Variants in SLC2A13 observed in about 807,000 individuals in gnomAD.
SLC2A13 encodes the protein solute carrier family 2 member 13, also known as proton myo-inositol cotransporter.
SLC2A13 carries 32 observed loss-of-function variants against 64.4 expected under a neutral mutation model. That is an observed-to-expected ratio of 0.50 (90% CI 0.37 to 0.67). SLC2A13 has a LOEUF of 0.67. SLC2A13 is among the 30% of genes least tolerant of loss of function. SLC2A13 has a pLI of 0.00. For missense variants in SLC2A13, 743 were observed against 829.2 expected (o/e 0.90, Z 1.28); for synonymous variants, 338 against 327.1 (o/e 1.03, Z -0.36).
intron 6 of SLC2A13, among the ~76,000 whole-genome samples, chr12:39,841,555 T>C (rs569321391): frequency 7.2e-5 from 11 of 152,196 alleles, no homozygotes; most frequent in Non-Finnish European, 1.6e-4. Context: ...TAAATGTATA[T>C]CTATATACAT....
chr12:39,984,728 A>C (rs1946996923), intron 3 of SLC2A13, among the ~76,000 whole-genome samples: 1 of 152,210 alleles, frequency 6.6e-6, no homozygotes, highest in South Asian at 2.1e-4. Context: ...TAATTTTTTT[A>C]AGAGGCTAAT....
At chr12:39,915,885 T>C (rs1945513711) in intron 4 of SLC2A13, among the ~76,000 whole-genome samples, 2 of 151,848 alleles carry the variant, frequency 1.3e-5, no homozygotes, top group Admixed American at 1.3e-4. Context: ...TCACGACAAA[T>C]CTCTGATTTA....
chr12:39,969,411 C>G (rs957260764), intron 3 of SLC2A13, among the ~76,000 whole-genome samples: 2 of 152,168 alleles, frequency 1.3e-5, no homozygotes, highest in African/African-American at 4.8e-5. Flanking sequence ...TTTACGGTCC[C>G]ACCAACAGTG....
chr12:39,869,216 TGAGGGTCACACTG>T (rs747911504), intron 5 of SLC2A13, among the ~76,000 whole-genome samples: 4 of 151,908 alleles, frequency 2.6e-5, no homozygotes, highest in Non-Finnish European at 5.9e-5. Flanking sequence ...CAATTGTGAG[TGAGGGTCACACTG>T]GAGTAATACT....
intron 7 of SLC2A13, among the ~76,000 whole-genome samples, chr12:39,772,142 A>C (rs917265426): frequency 6.6e-6 from 1 of 152,100 alleles, no homozygotes; most frequent in Non-Finnish European, 1.5e-5. Context: ...TCCTTCTTCT[A>C]CGGTACTGAG....
intron 3 of SLC2A13, among the ~76,000 whole-genome samples, chr12:40,001,311 C>T (rs1947318240): frequency 6.6e-6 from 1 of 152,048 alleles, no homozygotes; most frequent in Non-Finnish European, 1.5e-5. Context: ...TCAAAGTGAG[C>T]TATAAAAAAG....
intron 6 of SLC2A13, among the ~76,000 whole-genome samples, chr12:39,853,915 T>G (rs1276350951): frequency 6.6e-6 from 1 of 152,126 alleles, no homozygotes; most frequent in African/African-American, 2.4e-5. Flanking sequence ...TAAAAACTCT[T>G]GTTTTAGTGA....
intron 1 of SLC2A13, among the ~76,000 whole-genome samples, chr12:40,049,442 G>A (rs182884105): frequency 3.3e-4 from 50 of 152,236 alleles, no homozygotes; most frequent in African/African-American, 1.2e-3. Flanking sequence ...TGCTGTTGAA[G>A]GTGCTATTTA....
At chr12:40,084,682 G>C (rs1261786747) in intron 1 of SLC2A13, among the ~76,000 whole-genome samples, 3 of 152,108 alleles carry the variant, frequency 2.0e-5, no homozygotes, top group African/African-American at 7.2e-5. Flanking sequence ...TATGTATTTA[G>C]CATTTTGTAA....
chr12:40,051,123 T>C (rs891466029), intron 1 of SLC2A13, among the ~76,000 whole-genome samples: 2 of 152,052 alleles, frequency 1.3e-5, no homozygotes, highest in Admixed American at 6.6e-5. Context: ...CAAGACCTAC[T>C]CACAAAAGCA....
At chr12:39,761,624 A>G (rs544629167) in intron 9 of SLC2A13, among the ~76,000 whole-genome samples, 5 of 15,708 alleles carry the variant, frequency 3.2e-4, no homozygotes, top group African/African-American at 1.4e-3. Context: ...GAATGGGGGA[A>G]TTTTGACAAA....
intron 3 of SLC2A13, among the ~76,000 whole-genome samples, chr12:40,009,625 G>A (rs987516691): frequency 6.6e-6 from 1 of 152,126 alleles, no homozygotes; most frequent in South Asian, 2.1e-4. Flanking sequence ...CAGAGACAAG[G>A]TCTCACTATG....
rs554390058 is a variant in SLC2A13, at chr12:39,770,135, T to C, written c.1446-5277A>G. On this transcript the variant is annotated intron_variant, in intron 7 of 9. Coordinates refer to ENST00000280871, the MANE Select transcript of SLC2A13 (RefSeq NM_052885.4). ...TCTTCTCAACCTCTAAATATAGGTG[T>C]CCTCTAAGGTTCTATTTTGGGACCT... Among the ~76,000 whole-genome samples the C allele has an allele frequency of 2.6e-5, 4 of 152,154 alleles. No individual in the cohort carries two copies. In the East Asian group the frequency reaches 7.7e-4, roughly 29 times the overall value.
At chr12:39,898,519 A>T (rs760749781) in intron 4 of SLC2A13, among the ~76,000 whole-genome samples, 3 of 152,160 alleles carry the variant, frequency 2.0e-5, no homozygotes, top group Non-Finnish European at 4.4e-5. Context: ...TCTATCATTG[A>T]ACAGATTACT....
intron 9 of SLC2A13, among the ~76,000 whole-genome samples, chr12:39,763,206 A>G (rs1196371595): frequency 6.6e-6 from 1 of 152,072 alleles, no homozygotes; most frequent in Non-Finnish European, 1.5e-5. Flanking sequence ...CTAAATATAT[A>G]TCCAGTTTAA....
chr12:40,065,349 A>G (rs925957907), intron 1 of SLC2A13, among the ~76,000 whole-genome samples: 2 of 152,082 alleles, frequency 1.3e-5, no homozygotes, highest in African/African-American at 4.8e-5. Context: ...TGGAAAGCCA[A>G]GGCAGAAGGA....
At chr12:40,055,649 CTGAT>C (rs1305729880) in intron 1 of SLC2A13, among the ~76,000 whole-genome samples, 1 of 152,094 alleles carries the variant, frequency 6.6e-6, no homozygotes, top group Non-Finnish European at 1.5e-5. Flanking sequence ...CTAGTGTTAA[CTGAT>C]TGGTTTTAAC....
chr12:40,081,536 A>G (rs1007649033), intron 1 of SLC2A13, among the ~76,000 whole-genome samples: 20 of 152,190 alleles, frequency 1.3e-4, no homozygotes, highest in African/African-American at 4.1e-4. Context: ...CTCTAGAAGA[A>G]CAGTTTCTTT....
rs571776999 is a variant in SLC2A13 at position 39,933,220 on chromosome 12, C to T, written c.1034+18037G>A. Reference sequence around the variant, plus strand: ...CCCCAGCCTGGGCGACAGAGCAAGACCCTGCCTAACAATAAATAAATAAGA... The same window carrying T: ...CCCCAGCCTGGGCGACAGAGCAAGATCCTGCCTAACAATAAATAAATAAGA... On this transcript the variant is annotated intron_variant, in intron 4 of 9. Coordinates refer to ENST00000280871, the MANE Select transcript of SLC2A13 (RefSeq NM_052885.4). 2.6e-5 allele frequency among the ~76,000 whole-genome samples: 4 copies of T among 152,254 alleles called. No homozygotes were observed. The South Asian group carries it at 8.3e-4, about 32-fold the overall frequency.
Sources: allele counts gnomAD v4.1 joint callset (sites outside exome capture counted in the v4.1 genomes callset), GRCh38; gene constraint gnomAD v4.1.1; transcripts MANE v1.5; gene names NCBI Gene and HGNC (gene_info 2026-07-23, HGNC 2026-07-21).